The following RBFOX3 variants were observed in gnomAD, a reference collection of about 807,000 sequenced individuals.
RBFOX3 encodes the protein RNA binding fox-1 homolog 3.
In RBFOX3, 17 loss-of-function variants were observed where a neutral mutation model predicts 48.7. That is an observed-to-expected ratio of 0.35 (90% CI 0.24 to 0.52). The LOEUF (loss-of-function observed/expected upper bound fraction) is 0.52. Ranked by LOEUF, RBFOX3 falls within the 20% of genes least tolerant of loss-of-function variation. The pLI is 0.94. For missense variants in RBFOX3, 382 were observed against 497.5 expected (o/e 0.77, Z 2.21); for synonymous variants, 212 against 209.5 (o/e 1.01, Z -0.10).
At chr17:79,383,031 A>AACACACACACACACACACACACACAC (rs60851419) in intron 2 of RBFOX3, among the ~76,000 whole-genome samples, 4 of 141,302 alleles carry the variant, frequency 2.8e-5, no homozygotes, top group Admixed American at 1.4e-4. Flanking sequence ...CTGCCTCTCA[A>AACACACACACACACACACACACACAC]ACACACACAC....
chr17:79,157,578 A>C (rs2046102699), intron 4 of RBFOX3, among the ~76,000 whole-genome samples: 2 of 152,298 alleles, frequency 1.3e-5, no homozygotes, highest in African/African-American at 4.8e-5. Context: ...GAGGTTGTAC[A>C]GGGGCCGGGT....
intron 1 of RBFOX3, among the ~76,000 whole-genome samples, chr17:79,573,011 G>A (rs1454626938): frequency 6.6e-6 from 1 of 152,204 alleles, no homozygotes; most frequent in East Asian, 1.9e-4. Flanking sequence ...CTCATACTAA[G>A]CAATTATTGT....
Position 79,477,413 on chromosome 17 carries a change from A to G in RBFOX3, c.-175+5041T>C, listed in dbSNP as rs375923423. 2.1e-3 allele frequency among the ~76,000 whole-genome samples: 316 copies of G among 151,988 alleles called. 1 individual carries two copies. The highest frequency in any genetic ancestry group is 0.01 in the Middle Eastern group (3 of 292). ...CTACTAAAAATACAAAACATTAGCC[A>G]GACGTGGTGGCGGGCGCCTGTAGTC... is the stretch of plus-strand genomic sequence containing the variant. On this transcript the variant is annotated intron_variant, in intron 2 of 14. Coordinates refer to ENST00000693108, the MANE Select transcript of RBFOX3 (RefSeq NM_001350451.2). The surrounding 1 kb of genome is among the most constrained non-coding windows in gnomAD (Gnocchi z 4.8).
At chr17:79,293,589 A>T (rs1356054594) in intron 3 of RBFOX3, among the ~76,000 whole-genome samples, 1 of 151,838 alleles carries the variant, frequency 6.6e-6, no homozygotes, top group Non-Finnish European at 1.5e-5. Flanking sequence ...AGTAGCTGGG[A>T]TTACAGACTT....
chr17:79,446,870 G>A (rs994136880), intron 2 of RBFOX3, among the ~76,000 whole-genome samples: 5 of 152,124 alleles, frequency 3.3e-5, no homozygotes, highest in Non-Finnish European at 5.9e-5. Context: ...GTAACACCAC[G>A]GCTTCAATAA....
chr17:79,489,695 T>C (rs1354284739), intron 1 of RBFOX3, among the ~76,000 whole-genome samples: 1 of 152,232 alleles, frequency 6.6e-6, no homozygotes, highest in Non-Finnish European at 1.5e-5. Flanking sequence ...CCTCTGGAGC[T>C]TGCCCGGGGT....
the RBFOX3 span, among the ~76,000 whole-genome samples, chr17:79,626,275 C>G: frequency 1.9e-4 from 29 of 152,228 alleles, no homozygotes; most frequent in Admixed American, 1.5e-3. Context: ...TTGCACCTCC[C>G]ACCCCATCCC....
At chr17:79,237,388 C>CTCTT in intron 3 of RBFOX3, among the ~76,000 whole-genome samples, 1 of 152,332 alleles carries the variant, frequency 6.6e-6, no homozygotes, top group East Asian at 1.9e-4. Context: ...CAGGCAGGTA[C>CTCTT]ACTTCTTACT....
the RBFOX3 span, among the ~76,000 whole-genome samples, chr17:79,648,592 A>G: frequency 6.6e-6 from 1 of 152,230 alleles, no homozygotes; most frequent in African/African-American, 2.4e-5. Flanking sequence ...TCATCCCTCC[A>G]CAGGACCTGG....
chr17:79,570,736 ACAGT>A (rs1425341756), intron 1 of RBFOX3, among the ~76,000 whole-genome samples: 4 of 152,150 alleles, frequency 2.6e-5, no homozygotes, highest in African/African-American at 9.7e-5. Flanking sequence ...GGTGGAGCTC[ACAGT>A]CAGTGCTTTT....
chr17:79,653,738 A>C, the RBFOX3 span, among the ~76,000 whole-genome samples: 2 of 145,184 alleles, frequency 1.4e-5, no homozygotes, highest in African/African-American at 5.2e-5. Flanking sequence ...GCATAATTTC[A>C]ATTTTAAAAC....
rs1026919660 is a variant in RBFOX3, at chr17:79,473,039, A to G, written c.-175+9415T>C. ...ACAAGCCCTTACTTTTGGTTTTTAG[A>G]AAACCTATAAAAATAGAATCACTAG... On this transcript the variant is annotated intron_variant, in intron 2 of 14. Coordinates refer to ENST00000693108, the MANE Select transcript of RBFOX3 (RefSeq NM_001350451.2). The surrounding 1 kb of genome is among the most constrained non-coding windows in gnomAD (Gnocchi z 4.2). Among the ~76,000 whole-genome samples the G allele has an allele frequency of 2.6e-5, 4 of 152,196 alleles. No homozygotes were observed. The highest frequency in any genetic ancestry group is 9.7e-5 in the African/African-American group (4 of 41,432).
intron 14 of RBFOX3, chr17:79,092,042 C>T (rs916938717): frequency 1.5e-5 from 15 of 985,252 alleles, no homozygotes; most frequent in East Asian, 2.3e-4. Flanking sequence ...TGAAGGCCTG[C>T]GGGAGCACCC....
intron 1 of RBFOX3, among the ~76,000 whole-genome samples, chr17:79,519,278 C>G (rs2085713357): frequency 6.6e-6 from 1 of 152,236 alleles, no homozygotes; most frequent in African/African-American, 2.4e-5. Context: ...CTCACACTCC[C>G]CACAGAGTGC....
At chr17:79,598,387 C>CACACATACATGCACATGT (rs2093623529) in intron 1 of RBFOX3, 2 of 87,064 alleles carry the variant, frequency 2.3e-5, no homozygotes. Flanking sequence ...TGCACATGTG[C>CACACATACATGCACATGT]GCGCACACAC....
intron 1 of RBFOX3, among the ~76,000 whole-genome samples, chr17:79,604,403 A>AT (rs1358512110): frequency 6.6e-6 from 1 of 151,128 alleles, no homozygotes; most frequent in African/African-American, 2.4e-5. Context: ...CAGGTGATAC[A>AT]TTAAAAAGTC....
intron 1 of RBFOX3, among the ~76,000 whole-genome samples, chr17:79,567,286 C>T (rs1362768874): frequency 6.7e-6 from 1 of 148,534 alleles, no homozygotes; most frequent in Non-Finnish European, 1.5e-5. Flanking sequence ...CAGGTTCAAG[C>T]GATTCTCCTG....
At chr17:79,436,584 T>A (rs1049173782) in intron 2 of RBFOX3, among the ~76,000 whole-genome samples, 1 of 151,640 alleles carries the variant, frequency 6.6e-6, no homozygotes, top group Non-Finnish European at 1.5e-5. Flanking sequence ...TAGATAGATG[T>A]GGGGATGGGA....
intron 2 of RBFOX3, among the ~76,000 whole-genome samples, chr17:79,388,012 G>C (rs2148100892): frequency 6.6e-6 from 1 of 152,240 alleles, no homozygotes; most frequent in Non-Finnish European, 1.5e-5. Context: ...GTGTGTGTGT[G>C]TGTGCATGCA....
Sources: gnomAD v4.1 joint callset for allele counts (sites outside exome capture counted in the v4.1 genomes callset) on GRCh38, gnomAD v4.1.1 for gene constraint, Gnocchi (gnomAD v3.1) non-coding constraint, MANE v1.5 for transcripts, NCBI Gene and HGNC (gene_info 2026-07-23, HGNC 2026-07-21) for gene names.